ME1: variants seen among roughly 807,000 people sequenced by gnomAD.
The protein encoded by ME1 is NADP-dependent malic enzyme.
In ME1, 74 loss-of-function variants were observed where a neutral mutation model predicts 66.4. The observed-to-expected ratio is 1.11, with a 90% CI of 0.92 to 1.35. The LOEUF (loss-of-function observed/expected upper bound fraction) is 1.35, where lower values mean the gene tolerates loss of function less well. Ranked by LOEUF, ME1 falls within the 40% of genes most tolerant of loss-of-function variation. The pLI, the probability that ME1 is intolerant of heterozygous loss-of-function variation, is 0.00. For synonymous variants in ME1, 251 were observed against 235.6 expected, an observed-to-expected ratio of 1.07 and a Z score of -0.60; for missense variants, 750 against 694.1, an observed-to-expected ratio of 1.08 and a Z score of -0.90.
At chr6:83,410,830 C>T (rs1318152484) in intron 1 of ME1, among the ~76,000 whole-genome samples, 7 of 152,160 alleles carry the variant, frequency 4.6e-5, no homozygotes, top group Non-Finnish European at 1.0e-4. Context: ...ATAAATTTTC[C>T]AATGGCATGT....
At chr6:83,421,008 C>T (rs1284049272) in intron 1 of ME1, among the ~76,000 whole-genome samples, 2 of 151,938 alleles carry the variant, frequency 1.3e-5, no homozygotes, top group African/African-American at 4.8e-5. Context: ...AGAAGCTTCC[C>T]TGTATGCAGA....
chr6:83,311,679 G>A (rs115497323), intron 6 of ME1, among the ~76,000 whole-genome samples: 4,145 of 152,130 alleles, frequency 0.027, 197 homozygotes, highest in African/African-American at 0.092. Context: ...TTCAGTGGTG[G>A]TTCTCCCCTG....
At chr6:83,330,750 T>C (rs1768390927) in intron 5 of ME1, among the ~76,000 whole-genome samples, 1 of 152,080 alleles carries the variant, frequency 6.6e-6, no homozygotes, top group Non-Finnish European at 1.5e-5. Context: ...AAGACCCCAT[T>C]CTCTTTCCCA....
At chr6:83,221,802 C>G (rs1312430959) in intron 12 of ME1, among the ~76,000 whole-genome samples, 1 of 151,976 alleles carries the variant, frequency 6.6e-6, no homozygotes, top group Admixed American at 6.5e-5. Context: ...AAAAAAAACT[C>G]TTACTTAAAA....
intron 3 of ME1, among the ~76,000 whole-genome samples, chr6:83,364,354 A>G (rs1336827221): frequency 6.6e-6 from 1 of 152,068 alleles, no homozygotes; most frequent in Non-Finnish European, 1.5e-5. Context: ...CTATTGTAGG[A>G]CCTTGTGATT....
rs1311819185 is a variant in ME1 at position 83,393,149 on chromosome 6, G to A, written c.362+5218C>T. On this transcript the variant is annotated intron_variant, in intron 3 of 13. Transcript: ENST00000369705. The stretch of plus-strand genomic sequence containing the variant: ...CAGTGGTGGACCTGACCTGCCGTCT[G>A]GAAAAACCTACCAAATATGATGACA... 15 of 1,337,470 alleles carry A rather than the reference G, an allele frequency of 1.1e-5. No homozygotes were observed. In the Admixed American group the frequency reaches 1.2e-4, roughly 11 times the overall value. The allele number at this position is 1,337,470 out of a possible 1,614,324, so 82.9% of individuals were successfully genotyped here.
chr6:83,266,085 T>C (rs1344805183), intron 6 of ME1, among the ~76,000 whole-genome samples: 1 of 152,138 alleles, frequency 6.6e-6, no homozygotes, highest in Admixed American at 6.6e-5. Context: ...TCCAAAAGCA[T>C]TATAAACATT....
At chr6:83,241,336 A>C (rs886836216) in intron 7 of ME1, among the ~76,000 whole-genome samples, 2 of 152,162 alleles carry the variant, frequency 1.3e-5, no homozygotes, top group African/African-American at 4.8e-5. Context: ...TATAAGATTT[A>C]ACCAATTGAA....
intron 12 of ME1, among the ~76,000 whole-genome samples, chr6:83,218,725 C>T (rs1790036388): frequency 6.6e-6 from 1 of 152,188 alleles, no homozygotes; most frequent in African/African-American, 2.4e-5. Context: ...CTTTTCCATG[C>T]CCTTCCTTCT....
chr6:83,227,637 G>A (rs1790223633), intron 10 of ME1, among the ~76,000 whole-genome samples, 160 bp from the exon 11 acceptor site: 1 of 152,126 alleles, frequency 6.6e-6, no homozygotes, highest in African/African-American at 2.4e-5. Flanking sequence ...GACAAAAAGA[G>A]GCAAGTTTGT....
chr6:83,356,336 G>C (rs1232929242), intron 3 of ME1, among the ~76,000 whole-genome samples: 1 of 152,008 alleles, frequency 6.6e-6, no homozygotes, highest in East Asian at 1.9e-4. Context: ...GCATTAGTGA[G>C]CCCTGTGAGT....
At chr6:83,271,413 T>C (rs1347511838) in intron 6 of ME1, among the ~76,000 whole-genome samples, 2 of 152,176 alleles carry the variant, frequency 1.3e-5, no homozygotes, top group Non-Finnish European at 2.9e-5. Context: ...ACATGGAGGC[T>C]GCAATTGGTT....
At chr6:83,253,206 A>G (rs376099722) in intron 7 of ME1, among the ~76,000 whole-genome samples, 6 of 152,310 alleles carry the variant, frequency 3.9e-5, no homozygotes, top group African/African-American at 1.4e-4. Context: ...GTAGCCAAGC[A>G]TCTACAATCA....
At chr6:83,416,448 G>A (rs571739507) in intron 1 of ME1, among the ~76,000 whole-genome samples, 18 of 152,262 alleles carry the variant, frequency 1.2e-4, no homozygotes, top group African/African-American at 4.1e-4. Context: ...CCTATCAGAG[G>A]CTTTTAACTT....
intron 6 of ME1, among the ~76,000 whole-genome samples, chr6:83,297,344 T>C (rs574315852): frequency 2.1e-4 from 32 of 152,096 alleles, no homozygotes; most frequent in Non-Finnish European, 3.1e-4. Context: ...TCCATGCCCA[T>C]GAAGAGGAAG....
chr6:83,219,316 A>T (rs1790044836), intron 12 of ME1, among the ~76,000 whole-genome samples: 1 of 152,236 alleles, frequency 6.6e-6, no homozygotes, highest in Non-Finnish European at 1.5e-5. Context: ...CAAAATGAAT[A>T]GCACAATGTT....
At chr6:83,384,428 T>C (rs1341870993) in intron 3 of ME1, among the ~76,000 whole-genome samples, 1 of 151,852 alleles carries the variant, frequency 6.6e-6, no homozygotes, top group Non-Finnish European at 1.5e-5. Context: ...ATTACTGATG[T>C]TGAACAGTTT....
intron 6 of ME1, among the ~76,000 whole-genome samples, chr6:83,274,678 G>A (rs553031119): frequency 6.6e-6 from 1 of 152,134 alleles, no homozygotes; most frequent in East Asian, 1.9e-4. Context: ...GACATATATT[G>A]GGACTTAAAA....
chr6:83,220,435 A>G (rs899979144), intron 12 of ME1, among the ~76,000 whole-genome samples: 9 of 152,250 alleles, frequency 5.9e-5, no homozygotes, highest in African/African-American at 2.2e-4. Flanking sequence ...CCAGAGGTCC[A>G]GAAGACTGTC....
Sources: allele counts gnomAD v4.1 joint callset (sites outside exome capture counted in the v4.1 genomes callset), GRCh38; gene constraint gnomAD v4.1.1; transcripts MANE v1.5; gene names NCBI Gene and HGNC (gene_info 2026-07-23, HGNC 2026-07-21).